BMAL1: variants seen among roughly 807,000 people sequenced by gnomAD.
The protein encoded by BMAL1 is basic helix-loop-helix ARNT-like protein 1.
chr11:13,286,538 A>G, the BMAL1 span, among the ~76,000 whole-genome samples: 1 of 152,206 alleles, frequency 6.6e-6, no homozygotes, highest in Non-Finnish European at 1.5e-5. Flanking sequence ...AGGGAAACGT[A>G]GATATACTTC....
the BMAL1 span, among the ~76,000 whole-genome samples, chr11:13,290,290 G>A: frequency 1.3e-5 from 2 of 152,200 alleles, no homozygotes; most frequent in African/African-American, 4.8e-5. Flanking sequence ...GGCATGGATA[G>A]CCATGTGAAT....
At chr11:13,348,973 C>T in the BMAL1 span, among the ~76,000 whole-genome samples, 8 of 152,278 alleles carry the variant, frequency 5.3e-5, no homozygotes, top group South Asian at 1.7e-3. Context: ...TAAATTTTGC[C>T]ATCTCAAGGC....
the BMAL1 span, among the ~76,000 whole-genome samples, chr11:13,328,043 T>C: frequency 6.6e-6 from 1 of 152,342 alleles, no homozygotes; most frequent in Non-Finnish European, 1.5e-5. Flanking sequence ...ATGTGCTATT[T>C]GCATTTATTT....
the BMAL1 span, among the ~76,000 whole-genome samples, chr11:13,308,386 G>T: frequency 3.9e-5 from 6 of 152,202 alleles, no homozygotes; most frequent in African/African-American, 1.4e-4. Flanking sequence ...GGCTTGGAGA[G>T]AAATCTGAGC....
At chr11:13,342,799 G>A in the BMAL1 span, among the ~76,000 whole-genome samples, 1 of 152,190 alleles carries the variant, frequency 6.6e-6, no homozygotes, top group Admixed American at 6.5e-5. Flanking sequence ...AGTGGAAGGA[G>A]TATGGGCTTT....
At chr11:13,286,198 C>G in the BMAL1 span, among the ~76,000 whole-genome samples, 1 of 152,242 alleles carries the variant, frequency 6.6e-6, no homozygotes, top group Non-Finnish European at 1.5e-5. Flanking sequence ...CTGGTAGACC[C>G]TCCTCTCAGT....
the BMAL1 span, among the ~76,000 whole-genome samples, chr11:13,361,036 G>A: frequency 6.6e-6 from 1 of 152,154 alleles, no homozygotes; most frequent in African/African-American, 2.4e-5. Flanking sequence ...CCTGGGAGGT[G>A]GAGGTTGCAG....
the BMAL1 span, among the ~76,000 whole-genome samples, chr11:13,364,051 C>G: frequency 6.6e-6 from 1 of 152,196 alleles, no homozygotes; most frequent in East Asian, 1.9e-4. Flanking sequence ...TGTCACAGTT[C>G]CCTTCTGTCC....
chr11:13,357,074 C>A, the BMAL1 span: 1 of 1,614,180 alleles, frequency 6.2e-7, no homozygotes, highest in East Asian at 2.2e-5. The surrounding 1 kb of genome is among the most constrained non-coding windows in gnomAD (Gnocchi z 4.8). Flanking sequence ...TACAGAACAC[C>A]AAGGAAGGAT....
the BMAL1 span, among the ~76,000 whole-genome samples, chr11:13,373,776 T>TG: frequency 3.1e-3 from 470 of 152,338 alleles, 3 homozygotes; most frequent in Non-Finnish European, 5.4e-3. Context: ...CCCAAAGTGC[T>TG]GGGATGACAG....
the BMAL1 span, among the ~76,000 whole-genome samples, chr11:13,341,397 G>T: frequency 6.6e-5 from 10 of 152,176 alleles, no homozygotes; most frequent in African/African-American, 2.4e-4. Flanking sequence ...GCTGTTGAAT[G>T]TTCTTCCCAT....
the BMAL1 span, among the ~76,000 whole-genome samples, chr11:13,357,899 C>T: frequency 2.6e-5 from 4 of 152,298 alleles, no homozygotes; most frequent in African/African-American, 9.6e-5. This position sits in a 1 kb window ranked among gnomAD's most constrained non-coding sequence, Gnocchi z 4.8. Context: ...GCATCTGCTG[C>T]ACCTAGGTGG....
At chr11:13,301,714 C>T in the BMAL1 span, among the ~76,000 whole-genome samples, 4 of 152,124 alleles carry the variant, frequency 2.6e-5, no homozygotes, top group African/African-American at 9.7e-5. Flanking sequence ...GAATTGCATG[C>T]CTGTAGTAAT....
At chr11:13,340,691 A>G in the BMAL1 span, among the ~76,000 whole-genome samples, 8 of 151,918 alleles carry the variant, frequency 5.3e-5, no homozygotes, top group Non-Finnish European at 1.0e-4. Flanking sequence ...CTCCAGCTTT[A>G]AGTTCCTTCA....
the BMAL1 span, among the ~76,000 whole-genome samples, chr11:13,299,317 G>A: frequency 6.6e-6 from 1 of 152,226 alleles, no homozygotes; most frequent in African/African-American, 2.4e-5. Flanking sequence ...AAGGGAGGCA[G>A]TGTAATACCC....
At chr11:13,343,357 A>G in the BMAL1 span, among the ~76,000 whole-genome samples, 1 of 152,204 alleles carries the variant, frequency 6.6e-6, no homozygotes, top group East Asian at 1.9e-4. Context: ...CTGGGACTCC[A>G]AGTCATTCTG....
chr11:13,376,813 C>T, the BMAL1 span: 5 of 1,283,240 alleles, frequency 3.9e-6, no homozygotes, highest in Non-Finnish European at 5.4e-6. Context: ...ATTCAGGGTC[C>T]CCTCCATTCA....
chr11:13,372,559 C>A, the BMAL1 span: 1 of 1,291,382 alleles, frequency 7.7e-7, no homozygotes, highest in Non-Finnish European at 1.1e-6. Context: ...CCTCAAATCC[C>A]AGCACTTTTT....
chr11:13,312,981 G>T, the BMAL1 span, among the ~76,000 whole-genome samples: 1 of 152,218 alleles, frequency 6.6e-6, no homozygotes, highest in Non-Finnish European at 1.5e-5. Flanking sequence ...GACCGGGGTG[G>T]AGAGGGAAGG....
Sources: allele counts gnomAD v4.1 joint callset (sites outside exome capture counted in the v4.1 genomes callset), GRCh38; gene constraint gnomAD v4.1.1; non-coding constraint Gnocchi (gnomAD v3.1); transcripts MANE v1.5; gene names NCBI Gene and HGNC (gene_info 2026-07-23, HGNC 2026-07-21).